TG: variants seen among roughly 807,000 people sequenced by gnomAD.
TG encodes the protein thyroid hormones.
Under a neutral mutation model 324.7 loss-of-function variants are expected in TG, and 270 were observed. That is an observed-to-expected ratio of 0.83 (90% CI 0.75 to 0.92). TG has a LOEUF of 0.92. Among genes scored for constraint, TG ranks in the 40% least tolerant of loss-of-function variants. TG has a pLI of 0.00. For missense variants in TG, 3,591 were observed against 3,456.4 expected (o/e 1.04, Z -0.98); for synonymous variants, 1,401 against 1,327.0 (o/e 1.06, Z -1.21).
At chr8:133,012,210 C>A (rs996122376) in intron 36 of TG, among the ~76,000 whole-genome samples, 175 bp downstream of exon 36, 1 of 152,156 alleles carries the variant, frequency 6.6e-6, no homozygotes, top group Non-Finnish European at 1.5e-5. Context: ...CCCCACAGGG[C>A]AGCCAAGGTG....
In TG at chr8:133,086,551, GA is replaced by G. The variant is rs200231373; in HGVS notation, c.7240-8485del. ...AATACATTTTTATTATCTTTTTGAT[GA>G]AAAAAAACTATACCTTTTGACTCAG... On this transcript the variant is annotated intron_variant, in intron 41 of 47. Transcript: ENST00000220616. Among the ~76,000 whole-genome samples, 142 of 151,624 alleles carry G rather than the reference GA, an allele frequency of 9.4e-4. 2 individuals are homozygous for G. The East Asian group carries it at 0.015, about 16-fold the overall frequency.
intron 41 of TG, chr8:133,040,187 G>A (rs1837954994): frequency 1.3e-6 from 2 of 1,546,416 alleles, no homozygotes; most frequent in African/African-American, 1.4e-5. Context: ...AGCCAGTGTG[G>A]GGTTCAGGCC....
Position 132,888,423 on chromosome 8 carries a change from A to C in TG, c.2616A>C (p.Leu872Phe). 6.2e-7 allele frequency: 1 copy of C among 1,613,424 alleles called. No homozygotes were observed. The highest frequency in any genetic ancestry group is 1.1e-5 in the South Asian group (1 of 91,044). Residue 872 changes from leucine (L) to phenylalanine (F), a missense_variant, in exon 10 of 48, where the codon TTA (leucine) becomes TTC (phenylalanine). By Grantham distance (22) the Leu-to-Phe change is conservative (BLOSUM62 0). Transcript: ENST00000220616. The part of the protein sequence containing the change: ...LLEPYLFWQI[L>F]NGQLSQYPGS... Reference sequence around the variant, plus strand: ...AGCCCTACCTCTTCTGGCAGATCTTAAATGGCCAACTCAGCCAATACCCGG... The same window carrying C: ...AGCCCTACCTCTTCTGGCAGATCTTCAATGGCCAACTCAGCCAATACCCGG...
intron 16 of TG, among the ~76,000 whole-genome samples, chr8:132,902,942 AATAG>A (rs1213862442): frequency 2.0e-5 from 3 of 152,210 alleles, no homozygotes; most frequent in African/African-American, 4.8e-5. Flanking sequence ...AATGCAGGTA[AATAG>A]ATAGAGCTCT....
intron 19 of TG, 62 bp from the exon 20 acceptor site, chr8:132,912,985 A>G (rs976429440): frequency 2.0e-6 from 3 of 1,518,904 alleles, no homozygotes; most frequent in African/African-American, 1.4e-5. Context: ...GCCCTGCTTA[A>G]TCCTCCCTGG....
chr8:132,868,747 GTT>G (rs957321285), intron 2 of TG, among the ~76,000 whole-genome samples: 3 of 152,196 alleles, frequency 2.0e-5, no homozygotes, highest in Non-Finnish European at 2.9e-5. Context: ...TCTGAAAGGG[GTT>G]TCTCCAGCTG....
intron 33 of TG, chr8:132,972,362 C>A (rs1829644718): frequency 1.7e-6 from 1 of 583,046 alleles, no homozygotes; most frequent in Non-Finnish European, 3.0e-6. Flanking sequence ...TAGCACAGCC[C>A]TAAGCACATG....
intron 41 of TG, chr8:133,038,179 C>T: frequency 6.3e-6 from 2 of 319,144 alleles, no homozygotes; most frequent in East Asian, 8.3e-5. Flanking sequence ...TGGACAGGTC[C>T]AGTTCCTTGG....
At chr8:133,099,027 C>A (rs1848852482) in intron 43 of TG, among the ~76,000 whole-genome samples, 1 of 152,208 alleles carries the variant, frequency 6.6e-6, no homozygotes, top group South Asian at 2.1e-4. Context: ...CATTGAGCTT[C>A]CCTCTAAGGT....
At chr8:132,904,443 C>G (rs770773998) in intron 16 of TG, among the ~76,000 whole-genome samples, 5 of 152,232 alleles carry the variant, frequency 3.3e-5, no homozygotes, top group Admixed American at 2.6e-4. Flanking sequence ...AAAGTGTACT[C>G]TCTGGGGCTG....
chr8:132,962,926 A>G (rs1827970468), intron 28 of TG, 68 bp from the exon 29 acceptor site: 6 of 1,463,432 alleles, frequency 4.1e-6, no homozygotes, highest in Non-Finnish European at 5.8e-6. Context: ...TGCTACTACC[A>G]TTTTGTTGAC....
chr8:133,072,216 A>C (rs772767359), intron 41 of TG, among the ~76,000 whole-genome samples: 7 of 152,220 alleles, frequency 4.6e-5, no homozygotes, highest in Admixed American at 3.9e-4. Flanking sequence ...GCTGTTTGAC[A>C]ACAAAAGAGA....
chr8:132,982,305 G>A (rs911675778), intron 34 of TG, among the ~76,000 whole-genome samples: 1 of 152,182 alleles, frequency 6.6e-6, no homozygotes, highest in African/African-American at 2.4e-5. Context: ...TGCTGGCCAT[G>A]CTACATTGCC....
At chr8:133,084,729 C>T (rs532569246) in intron 41 of TG, among the ~76,000 whole-genome samples, 4 of 152,308 alleles carry the variant, frequency 2.6e-5, no homozygotes, top group East Asian at 3.9e-4. Flanking sequence ...CAGAAGTGCC[C>T]GGGAGAGACC....
At chr8:133,044,784 G>A (rs1287724036) in intron 41 of TG, among the ~76,000 whole-genome samples, 1 of 152,196 alleles carries the variant, frequency 6.6e-6, no homozygotes, top group Non-Finnish European at 1.5e-5. Flanking sequence ...GAGATTAGCT[G>A]CATTTGACTT....
intron 14 of TG, among the ~76,000 whole-genome samples, chr8:132,899,177 A>G (rs919254360): frequency 6.6e-6 from 1 of 152,184 alleles, no homozygotes; most frequent in Non-Finnish European, 1.5e-5. Flanking sequence ...CTCCAAGAAA[A>G]TATCTTTCAT....
chr8:133,048,257 A>G (rs1014440383), intron 41 of TG, among the ~76,000 whole-genome samples: 2 of 151,978 alleles, frequency 1.3e-5, no homozygotes, highest in Admixed American at 1.3e-4. Flanking sequence ...TCCCTGCTCT[A>G]TCACCCAGAC....
In TG at chr8:133,050,920, G is replaced by A. The variant is rs556264054; in HGVS notation, c.7239+20897G>A. On this transcript the variant is annotated intron_variant, in intron 41 of 47. Transcript: ENST00000220616. ...CAAGGAAGTCGCTATCCAGTCCTGG[G>A]GAAACAAAGGCAAGGGGGAAGGGGG... is the stretch of plus-strand genomic sequence containing the variant. The A allele has an allele frequency of 2.2e-5, 35 of 1,594,496 alleles. 1 individual carries two copies. The highest frequency in any genetic ancestry group is 2.2e-4 in the Admixed American group (13 of 59,966).
intron 35 of TG, among the ~76,000 whole-genome samples, chr8:132,992,242 G>A (rs1832436479): frequency 6.6e-6 from 1 of 152,128 alleles, no homozygotes; most frequent in African/African-American, 2.4e-5. Flanking sequence ...GGGAGTGTTT[G>A]TGTGTGTGTG....
Sources: gnomAD v4.1 joint callset for allele counts (sites outside exome capture counted in the v4.1 genomes callset) on GRCh38, gnomAD v4.1.1 for gene constraint, MANE v1.5 for transcripts, NCBI Gene and HGNC (gene_info 2026-07-23, HGNC 2026-07-21) for gene names.